The following DISC1 variants were observed in gnomAD, a reference collection of about 807,000 sequenced individuals.
The protein encoded by DISC1 is DISC1 scaffold protein.
DISC1 carries 57 observed loss-of-function variants against 84.5 expected under a neutral mutation model. The observed-to-expected ratio is 0.67, with a 90% CI of 0.55 to 0.84. The LOEUF (loss-of-function observed/expected upper bound fraction) is 0.84. DISC1 is among the 40% of genes least tolerant of loss of function. The probability of loss-of-function intolerance (pLI) is 0.00; values close to 1 mark genes in which losing one functional copy is unlikely to be tolerated. For synonymous variants in DISC1, 411 were observed against 415.2 expected (o/e 0.99, Z 0.12); for missense variants, 1,000 against 1,057.8 (o/e 0.95, Z 0.76).
At chr1:232,029,576 A>G (rs1669804242) in intron 12 of DISC1, among the ~76,000 whole-genome samples, 1 of 152,242 alleles carries the variant, frequency 6.6e-6, no homozygotes, top group Admixed American at 6.5e-5. Flanking sequence ...AGGATTGCAC[A>G]GTGAGTGCAG....
At chr1:231,980,462 A>G (rs1663435427) in intron 10 of DISC1, among the ~76,000 whole-genome samples, 1 of 152,224 alleles carries the variant, frequency 6.6e-6, no homozygotes, top group Admixed American at 6.5e-5. Flanking sequence ...TAATTCCAGT[A>G]TACCACCCCA....
intron 1 of DISC1, among the ~76,000 whole-genome samples, chr1:231,662,473 C>T (rs1225328730): frequency 6.6e-6 from 1 of 152,148 alleles, no homozygotes; most frequent in African/African-American, 2.4e-5. Flanking sequence ...CAGGGAGGTC[C>T]CTCCCAGTAA....
chr1:231,743,490 A>G (rs751030763), intron 3 of DISC1, among the ~76,000 whole-genome samples: 4 of 152,212 alleles, frequency 2.6e-5, no homozygotes, highest in Non-Finnish European at 4.4e-5. Flanking sequence ...TCAGGATGCT[A>G]TTTTAGAACA....
intron 1 of DISC1, among the ~76,000 whole-genome samples, chr1:231,681,390 C>G (rs2125552893): frequency 6.6e-6 from 1 of 151,062 alleles, no homozygotes; most frequent in East Asian, 1.9e-4. Flanking sequence ...GTGTTGGGCT[C>G]TCACTCGTGT....
intron 10 of DISC1, among the ~76,000 whole-genome samples, chr1:232,007,040 A>G (rs993907501): frequency 1.3e-5 from 2 of 152,228 alleles, no homozygotes; most frequent in Admixed American, 1.3e-4. Context: ...GTGAGTGCAC[A>G]GAAGTCAAGA....
At chr1:231,865,316 A>C (rs1262276444) in intron 9 of DISC1, among the ~76,000 whole-genome samples, 1 of 152,192 alleles carries the variant, frequency 6.6e-6, no homozygotes, top group African/African-American at 2.4e-5. Flanking sequence ...CCCACTCTTC[A>C]TGTTTGCCAA....
At chr1:231,746,825 G>T (rs1444146034) in intron 3 of DISC1, among the ~76,000 whole-genome samples, 1 of 152,162 alleles carries the variant, frequency 6.6e-6, no homozygotes, top group Non-Finnish European at 1.5e-5. Context: ...TTGTTGAGAT[G>T]ATTCAGTTCC....
chr1:231,795,288 A>T lies in DISC1; in HGVS notation c.1681A>T (p.Thr561Ser), dbSNP rs76230451. The T allele has an allele frequency of 1.2e-6, 2 of 1,613,248 alleles. No homozygotes were observed. The change falls in exon 7 of 13, where the codon ACT (threonine) becomes TCT (serine). Residue 561 changes from threonine (T) to serine (S), a missense_variant. This residue lies in a region of DISC1 where 397 missense variants were observed against 377.5 expected (regional missense o/e 1.05). Transcript: ENST00000439617. ...KSLNLSLKEI[T>S]TKVCMSEKFC... ...CCTCAACTTGTCACTTAAAGAAATCACTACTAAGGTAAGTACCTTTATATT... is the reference window on the plus strand; with the variant it reads ...CCTCAACTTGTCACTTAAAGAAATCTCTACTAAGGTAAGTACCTTTATATT...
At chr1:231,701,886 A>G (rs2066469449) in intron 2 of DISC1, 69 bp from the exon 3 acceptor site, 3 of 1,320,022 alleles carry the variant, frequency 2.3e-6, no homozygotes, top group Admixed American at 2.1e-5. Flanking sequence ...AAATGTTCTT[A>G]GTTTTCACAA....
intron 3 of DISC1, among the ~76,000 whole-genome samples, chr1:231,743,533 A>C (rs200799758): frequency 2.0e-4 from 31 of 152,356 alleles, no homozygotes; most frequent in Non-Finnish European, 3.7e-4. Flanking sequence ...GTTTCACCAA[A>C]GTTTTGATTT....
intron 8 of DISC1, among the ~76,000 whole-genome samples, chr1:231,802,388 C>G (rs533453363): frequency 6.6e-6 from 1 of 152,106 alleles, no homozygotes; most frequent in Admixed American, 6.6e-5. Context: ...GCCTTGCTTT[C>G]CCCTTGCCTT....
chr1:231,888,843 G>A (rs759483732), intron 9 of DISC1, among the ~76,000 whole-genome samples: 2 of 151,998 alleles, frequency 1.3e-5, no homozygotes, highest in Non-Finnish European at 2.9e-5. Flanking sequence ...CTCCTGCTCA[G>A]GGGCCCAGAG....
At chr1:231,678,692 G>T (rs1440099474) in intron 1 of DISC1, among the ~76,000 whole-genome samples, 1 of 152,206 alleles carries the variant, frequency 6.6e-6, no homozygotes, top group Non-Finnish European at 1.5e-5. Context: ...CCTTGAGACG[G>T]AGTCTCACTC....
At chr1:231,767,376 C>A in intron 5 of DISC1, 107 bp downstream of exon 5, 1 of 1,473,566 alleles carries the variant, frequency 6.8e-7, no homozygotes, top group South Asian at 1.2e-5. Context: ...AATCATAGCT[C>A]ATTGCAGCCT....
At chr1:231,933,012 A>G (rs1431622981) in intron 9 of DISC1, among the ~76,000 whole-genome samples, 1 of 152,218 alleles carries the variant, frequency 6.6e-6, no homozygotes, top group Non-Finnish European at 1.5e-5. Context: ...ATGGCCCTAT[A>G]CCACCCGAGC....
intron 1 of DISC1, among the ~76,000 whole-genome samples, chr1:231,672,326 CTCTT>C (rs1345599341): frequency 2.6e-5 from 4 of 152,262 alleles, no homozygotes; most frequent in Admixed American, 6.5e-5. Flanking sequence ...GCTAGGTACT[CTCTT>C]TCTATCTTTT....
intron 9 of DISC1, among the ~76,000 whole-genome samples, chr1:231,938,371 G>T (rs1291839083): frequency 6.6e-6 from 1 of 152,140 alleles, no homozygotes; most frequent in African/African-American, 2.4e-5. Context: ...GAGAAGTGCT[G>T]GATGACATGC....
intron 3 of DISC1, among the ~76,000 whole-genome samples, chr1:231,707,552 G>A (rs1195879559): frequency 4.6e-5 from 7 of 152,148 alleles, no homozygotes; most frequent in Admixed American, 4.6e-4. Context: ...TATGAAAAAT[G>A]CCAACACTTA....
At chr1:231,989,289 C>T (rs953923163) in intron 10 of DISC1, among the ~76,000 whole-genome samples, 1 of 152,200 alleles carries the variant, frequency 6.6e-6, no homozygotes, top group Non-Finnish European at 1.5e-5. Flanking sequence ...ACCCATGCTG[C>T]AGGTCCTGCT....
Sources: gnomAD v4.1 joint callset for allele counts (sites outside exome capture counted in the v4.1 genomes callset) on GRCh38, gnomAD v4.1.1 for gene constraint, gnomAD v4.1.1 regional missense constraint, MANE v1.5 for transcripts, NCBI Gene and HGNC (gene_info 2026-07-23, HGNC 2026-07-21) for gene names.